The following RICTOR variants were observed in gnomAD, a reference collection of about 807,000 sequenced individuals.
RICTOR encodes rapamycin-insensitive companion of mTOR.
A neutral mutation model predicts 214.9 loss-of-function variants in RICTOR; 49 were observed. The ratio of observed to expected loss-of-function variants is 0.23; its 90% CI spans 0.18 to 0.29. The LOEUF is 0.29. Ranked by LOEUF, RICTOR falls within the 10% of genes least tolerant of loss-of-function variation. RICTOR has a pLI of 1.00. For synonymous variants in RICTOR, 717 were observed against 711.3 expected (o/e 1.01, Z -0.13); for missense variants, 1,625 against 2,047.0 (o/e 0.79, Z 3.98).
intron 2 of RICTOR, among the ~76,000 whole-genome samples, chr5:39,032,709 G>A (rs1756358578): frequency 6.6e-6 from 1 of 152,184 alleles, no homozygotes; most frequent in Admixed American, 6.5e-5. Flanking sequence ...CAGTGCCTAG[G>A]TAGGAAAACT....
In RICTOR at chr5:39,003,594, T is replaced by C. The variant is rs1257172097; in HGVS notation, c.224A>G (p.Glu75Gly). 1.2e-6 allele frequency: 2 copies of C among 1,609,918 alleles called. No individual in the cohort carries two copies. The highest frequency in any genetic ancestry group is 1.7e-6 in the Non-Finnish European group (2 of 1,177,368). ...KLLCDIGHSE[E>G]KLGFHYEDII... ...ATCCTCATAGTGAAAGCCCAGTTTT[T>C]CTTCACTGTGGCCAATATCACAAAG... Residue 75 changes from glutamate to glycine, a missense_variant, in exon 4 of 38, where the codon GAA becomes GGA. By Grantham distance (98) the Glu-to-Gly change is moderately conservative. Coordinates refer to ENST00000357387, the MANE Select transcript of RICTOR (RefSeq NM_152756.5).
intron 8 of RICTOR, 46 bp downstream of exon 8, chr5:38,981,820 AT>A (rs1369100690): frequency 7.7e-7 from 1 of 1,304,026 alleles, no homozygotes; most frequent in Non-Finnish European, 1.1e-6. Context: ...AAAAGTATAC[AT>A]TTATAATAAT....
In RICTOR at chr5:38,940,490, G is replaced by A. The variant is rs1747441013; in HGVS notation, c.*1814C>T. 4.3e-6 allele frequency: 1 copy of A among 232,654 alleles called. No individual in the cohort carries two copies. The highest frequency in any genetic ancestry group is 8.5e-6 in the Non-Finnish European group (1 of 117,560). 14.4% of individuals were successfully genotyped at this position (232,654 alleles called of 1,614,324 possible). ...TCCAAGACCAAAGACCACGATGACAGGCAACGTTCTTAGAAGTACTGTTGA... is the reference window on the plus strand; with the variant it reads ...TCCAAGACCAAAGACCACGATGACAAGCAACGTTCTTAGAAGTACTGTTGA... On this transcript the variant is annotated 3_prime_UTR_variant, in exon 38 of 38. Coordinates refer to ENST00000357387, the MANE Select transcript of RICTOR (RefSeq NM_152756.5).
rs542965258 is a variant in RICTOR, at chr5:39,028,462, G to A, written c.98-7326C>T. On this transcript the variant is annotated intron_variant, in intron 2 of 37. Coordinates refer to ENST00000357387, the MANE Select transcript of RICTOR (RefSeq NM_152756.5). Reference sequence around the variant, plus strand: ...CTCCCAAAGTGCTGGGATTACAGGCGTGAGCCACCGCGCCCGGCCTGGAAT... The same window carrying A: ...CTCCCAAAGTGCTGGGATTACAGGCATGAGCCACCGCGCCCGGCCTGGAAT... 1.6e-3 allele frequency among the ~76,000 whole-genome samples: 240 copies of A among 152,222 alleles called. 1 individual carries two copies. The highest frequency in any genetic ancestry group is 5.3e-3 in the African/African-American group (220 of 41,550).
chr5:39,023,107 G>C (rs1395538670), intron 2 of RICTOR, among the ~76,000 whole-genome samples: 2 of 148,098 alleles, frequency 1.4e-5, no homozygotes, highest in African/African-American at 5.0e-5. Context: ...GTTACATAGA[G>C]AAAAACAAAA....
At position 38,994,451 on chromosome 5, in the gene RICTOR, A is replaced by AAAAAAAAAAAAAAAAAAG. The variant is rs1304761708; in HGVS notation, c.456+2367_456+2368insCTTTTTTTTTTTTTTTTT. Among the ~76,000 whole-genome samples the AAAAAAAAAAAAAAAAAAG allele has an allele frequency of 1.3e-3, 131 of 101,558 alleles. 32 individuals are homozygous for AAAAAAAAAAAAAAAAAAG. The highest frequency in any genetic ancestry group is 4.9e-3 in the East Asian group (17 of 3,492). 66.6% of individuals were successfully genotyped at this position (101,558 alleles called of 152,430 possible). On this transcript the variant is annotated intron_variant, in intron 6 of 37. Coordinates refer to ENST00000357387, the MANE Select transcript of RICTOR (RefSeq NM_152756.5). ...AAAAAAAAAAAAAAAAAAAAAAAAA[A>AAAAAAAAAAAAAAAAAAG]AGTGCTTCAGATGCCAAAAGCACTA...
rs6864263 is a variant in RICTOR at position 39,070,621 on chromosome 5, A to T, written c.97+3490T>A. The stretch of plus-strand genomic sequence containing the variant: ...AGTTAATCAAAAATTATAAAATTCA[A>T]CTATACTTTTAAATAAATTATATTC... On this transcript the variant is annotated intron_variant, in intron 2 of 37. Coordinates refer to ENST00000357387, the MANE Select transcript of RICTOR (RefSeq NM_152756.5). 1.0e-2 allele frequency among the ~76,000 whole-genome samples: 1,521 copies of T among 152,334 alleles called. 31 individuals carry two copies. Among genetic ancestry groups the T allele is most frequent in the African/African-American group, 0.035 (1,442 of 41,576 alleles).
intron 3 of RICTOR, among the ~76,000 whole-genome samples, chr5:39,014,473 C>T (rs1159228446): frequency 6.6e-6 from 1 of 151,898 alleles, no homozygotes; most frequent in East Asian, 1.9e-4. Context: ...TCTTCTGTAC[C>T]ATTTTAATTT....
chr5:38,942,931 G>T lies in RICTOR; in HGVS notation c.4954C>A (p.Leu1652Ile), dbSNP rs2112785407. 6.2e-7 allele frequency: 1 copy of T among 1,606,374 alleles called. No homozygotes were observed. The highest frequency in any genetic ancestry group is 8.5e-7 in the Non-Finnish European group (1 of 1,173,056). The change falls in exon 37 of 38, where the codon CTT (leucine) becomes ATT (isoleucine). Residue 1652 changes from leucine to isoleucine, a missense_variant. Leu to Ile is a conservative substitution (Grantham distance 5, BLOSUM62 2). This residue lies in a region of RICTOR where 44 missense variants were observed against 90.1 expected (regional missense o/e 0.49). Coordinates refer to ENST00000357387, the MANE Select transcript of RICTOR (RefSeq NM_152756.5). ...AGCAAATGGGAAACCTCAGAGTAAAGGCATATGTCATCAAATGTTTGAGGA... is the reference window on the plus strand; with the variant it reads ...AGCAAATGGGAAACCTCAGAGTAAATGCATATGTCATCAAATGTTTGAGGA... ...KYPQTFDDIC[L>I]YSEVSHLLSH... is the part of the protein sequence containing the mutation.
intron 3 of RICTOR, among the ~76,000 whole-genome samples, chr5:39,015,650 C>A (rs1418249156): frequency 6.6e-6 from 1 of 151,842 alleles, no homozygotes; most frequent in Non-Finnish European, 1.5e-5. Flanking sequence ...GTTAGTAATG[C>A]CAGCATTGAA....
At chr5:38,996,771 AAC>A in intron 6 of RICTOR, 46 bp downstream of exon 6, 1 of 1,127,372 alleles carries the variant, frequency 8.9e-7, no homozygotes, top group Non-Finnish European at 1.3e-6. Flanking sequence ...TGTAAATATT[AAC>A]ATAAAAACCA....
In RICTOR at chr5:38,940,367, C is replaced by T. The variant is rs1747426361; in HGVS notation, c.*1937G>A. The stretch of plus-strand genomic sequence containing the variant: ...AATGAATGTCTAAAATATGTTAATC[C>T]CATTATGAATAAGATTACATTACTT... On this transcript the variant is annotated 3_prime_UTR_variant, in exon 38 of 38. Coordinates refer to ENST00000357387, the MANE Select transcript of RICTOR (RefSeq NM_152756.5). The T allele has an allele frequency of 4.3e-6, 1 of 231,230 alleles. No homozygotes were observed. The allele number at this position is 231,230 out of a possible 1,614,324, so 14.3% of individuals were successfully genotyped here. A position where few individuals can be genotyped will look rare whatever the true frequency, so the allele number is the denominator to read the frequency against.
intron 3 of RICTOR, among the ~76,000 whole-genome samples, chr5:39,013,974 TATA>T (rs1754746110): frequency 6.6e-6 from 1 of 152,292 alleles, no homozygotes; most frequent in East Asian, 1.9e-4. Context: ...CCCATAAGAT[TATA>T]ATACTATATT....
chr5:38,970,019 T>G, intron 11 of RICTOR: 1 of 152,194 alleles, frequency 6.6e-6, no homozygotes, highest in East Asian at 1.9e-4. Flanking sequence ...TATGTTTAGA[T>G]GTTTAGATAC....
chr5:38,993,262 C>T (rs973025520), intron 6 of RICTOR, among the ~76,000 whole-genome samples: 1 of 151,998 alleles, frequency 6.6e-6, no homozygotes, highest in African/African-American at 2.4e-5. Context: ...GAATCTCTTT[C>T]AAATGTAAAA....
chr5:39,031,915 G>A (rs1416433532), intron 2 of RICTOR, among the ~76,000 whole-genome samples: 2 of 152,132 alleles, frequency 1.3e-5, no homozygotes, highest in Non-Finnish European at 2.9e-5. Flanking sequence ...CTCCACTAGC[G>A]AAGACACTGG....
rs117999706 is a variant in RICTOR, at chr5:39,010,279, C to T, written c.196-6657G>A. Among the ~76,000 whole-genome samples the T allele has an allele frequency of 0.011, 1,675 of 152,252 alleles. 56 individuals carry two copies. The East Asian group carries it at 0.12, about 11-fold the overall frequency. On this transcript the variant is annotated intron_variant, in intron 3 of 37. Transcript: ENST00000357387. ...AGAAGGATGTGTTTGATTCCCCTTC[C>T]GCCATGATTGTAAGTTCCCTGAGGT...
chr5:38,983,022 A>G (rs1751851347), intron 7 of RICTOR, among the ~76,000 whole-genome samples: 1 of 152,130 alleles, frequency 6.6e-6, no homozygotes, highest in South Asian at 2.1e-4. Flanking sequence ...TTAATGGTAT[A>G]GTTCAATAAA....
chr5:38,959,470 T>C lies in RICTOR; in HGVS notation c.2052-149A>G, dbSNP rs572590794. 8 of 596,864 alleles carry C rather than the reference T, an allele frequency of 1.3e-5. No homozygotes were observed. The South Asian group carries it at 1.7e-4, about 13-fold the overall frequency. 37.0% of individuals were successfully genotyped at this position (596,864 alleles called of 1,614,324 possible). On this transcript the variant is annotated intron_variant, in intron 21 of 37. Transcript: ENST00000357387. ...TGTATAACTTGATTTGATATACACA[T>C]ACATTGTGAAGATTACCACAATCAA...
Sources: allele counts gnomAD v4.1 joint callset (sites outside exome capture counted in the v4.1 genomes callset), GRCh38; gene constraint gnomAD v4.1.1; regional missense constraint gnomAD v4.1.1; transcripts MANE v1.5; gene names NCBI Gene and HGNC (gene_info 2026-07-23, HGNC 2026-07-21).